PRH1: variants seen among roughly 807,000 people sequenced by gnomAD.
PRH1 encodes the protein proline rich protein HaeIII subfamily 1, also known as salivary acidic proline-rich phosphoprotein 1/2.
In PRH1, 7 loss-of-function variants were observed where a neutral mutation model predicts 7.9. That is an observed-to-expected ratio of 0.89 (90% confidence interval 0.50 to 1.67). The LOEUF (loss-of-function observed/expected upper bound fraction) is 1.67, where lower values mean the gene tolerates loss of function less well. Among genes scored for constraint, PRH1 ranks in the 40% most tolerant of loss-of-function variants. The probability of loss-of-function intolerance (pLI) is 0.00; values close to 1 mark genes in which losing one functional copy is unlikely to be tolerated. For missense variants in PRH1, 109 were observed against 223.6 expected (o/e 0.49, Z 3.27); for synonymous variants, 45 against 80.8 (o/e 0.56, Z 2.38).
intron 1 of PRH1, among the ~76,000 whole-genome samples, chr12:11,102,327 G>A (rs371292830): frequency 6.6e-6 from 1 of 152,104 alleles, no homozygotes; most frequent in Non-Finnish European, 1.5e-5. Context: ...ACAGCATGGT[G>A]CTGGTACCAA....
chr12:11,158,107 T>C (rs1212306391), intron 1 of PRH1, among the ~76,000 whole-genome samples: 7 of 152,190 alleles, frequency 4.6e-5, no homozygotes, highest in Admixed American at 4.6e-4. Flanking sequence ...AAAATTATGG[T>C]AAAAGTTACC....
chr12:10,931,330 A>G (rs1342292223), intron 2 of PRH1, among the ~76,000 whole-genome samples: 2 of 152,212 alleles, frequency 1.3e-5, no homozygotes, highest in Non-Finnish European at 2.9e-5. Context: ...GAATGAGGAC[A>G]TAGAATCATG....
intron 1 of PRH1, chr12:11,165,975 C>A (rs1551193): frequency 0.29 from 44,070 of 152,180 alleles, 8,269 homozygotes; most frequent in East Asian, 0.74. Flanking sequence ...GCTCTTTGTT[C>A]TTCTCTAGCA....
intron 1 of PRH1, among the ~76,000 whole-genome samples, chr12:11,099,125 A>C (rs1945151386): frequency 6.6e-6 from 1 of 152,200 alleles, no homozygotes; most frequent in South Asian, 2.1e-4. Flanking sequence ...GTATCCTCCT[A>C]TCACAGGAAG....
chr12:11,126,551 C>T (rs1030228398), intron 1 of PRH1, among the ~76,000 whole-genome samples: 1 of 152,174 alleles, frequency 6.6e-6, no homozygotes, highest in African/African-American at 2.4e-5. Context: ...GACTTGTCAA[C>T]TTTAGCAATT....
At chr12:10,985,842 A>G in intron 1 of PRH1, 1 of 1,140,920 alleles carries the variant, frequency 8.8e-7, no homozygotes, top group Non-Finnish European at 1.2e-6. Context: ...AACATACACT[A>G]CAGAAAAAAC....
intron 2 of PRH1, among the ~76,000 whole-genome samples, chr12:10,914,771 G>T (rs1305197754): frequency 6.6e-6 from 1 of 152,158 alleles, no homozygotes; most frequent in Admixed American, 6.5e-5. Flanking sequence ...TTGAGATTTT[G>T]CAGAGCTGGA....
intron 2 of PRH1, among the ~76,000 whole-genome samples, chr12:10,898,485 T>C (rs1296370584): frequency 6.6e-6 from 1 of 152,228 alleles, no homozygotes; most frequent in Non-Finnish European, 1.5e-5. Context: ...TTATTTTATT[T>C]GTCTTATTGA....
At chr12:10,926,043 TATG>T (rs1272543966) in intron 2 of PRH1, among the ~76,000 whole-genome samples, 1 of 152,164 alleles carries the variant, frequency 6.6e-6, no homozygotes, top group Non-Finnish European at 1.5e-5. Context: ...AGAATAGAAA[TATG>T]ATAATTAATT....
intron 1 of PRH1, among the ~76,000 whole-genome samples, chr12:10,992,398 T>C (rs1358035556): frequency 7.5e-6 from 1 of 132,896 alleles, no homozygotes; most frequent in Non-Finnish European, 1.7e-5. Context: ...TTGTTTTCGG[T>C]TGTTCGTTTT....
chr12:11,059,894 A>C (rs75290626), intron 1 of PRH1, among the ~76,000 whole-genome samples: 1 of 146,818 alleles, frequency 6.8e-6, no homozygotes, highest in East Asian at 2.0e-4. Context: ...ATCATTTTTG[A>C]CCATCTATTC....
At chr12:10,973,156 T>C (rs1211319002) in intron 2 of PRH1, 1 of 152,096 alleles carries the variant, frequency 6.6e-6, no homozygotes, top group Admixed American at 6.6e-5. Context: ...AAATATTAAT[T>C]ATTTAATTAA....
At chr12:11,096,605 T>C (rs1415808707) in intron 1 of PRH1, among the ~76,000 whole-genome samples, 1 of 114,976 alleles carries the variant, frequency 8.7e-6, no homozygotes, top group East Asian at 2.1e-4. Context: ...AAACTGGAAA[T>C]TGATTTCATG....
At chr12:11,133,272 A>G in intron 1 of PRH1, 2 of 1,589,046 alleles carry the variant, frequency 1.3e-6, no homozygotes, top group South Asian at 1.2e-5. Flanking sequence ...ATACACCACC[A>G]GTTTGTTTTC....
intron 2 of PRH1, among the ~76,000 whole-genome samples, chr12:10,899,422 G>C (rs899618285): frequency 6.6e-6 from 1 of 152,172 alleles, no homozygotes; most frequent in East Asian, 1.9e-4. Flanking sequence ...TGAGCTTAGT[G>C]AGAAGTGTTT....
At chr12:11,074,868 T>C (rs71453425) in intron 1 of PRH1, among the ~76,000 whole-genome samples, 46,205 of 116,008 alleles carry the variant, frequency 0.4, 10,789 homozygotes, top group Non-Finnish European at 0.49. Context: ...TTTGCTGTGG[T>C]TTCCCCTTGT....
intron 1 of PRH1, among the ~76,000 whole-genome samples, chr12:11,070,911 A>T (rs962688064): frequency 1.3e-5 from 2 of 152,092 alleles, no homozygotes; most frequent in Non-Finnish European, 2.9e-5. Flanking sequence ...ATCATTACTC[A>T]CTACAGCCTT....
chr12:11,077,452 C>A (rs79698138), intron 1 of PRH1: 1 of 714,414 alleles, frequency 1.4e-6, no homozygotes, highest in South Asian at 2.1e-5. Context: ...AAGAGTTTGG[C>A]AAAGCAGGAA....
chr12:10,931,103 A>G, intron 2 of PRH1: 1 of 1,571,914 alleles, frequency 6.4e-7, no homozygotes, highest in Non-Finnish European at 8.6e-7. Flanking sequence ...TTTATTATCC[A>G]TCAAAGGCTC....
Sources: allele counts gnomAD v4.1 joint callset (sites outside exome capture counted in the v4.1 genomes callset), GRCh38; gene constraint gnomAD v4.1.1; transcripts MANE v1.5; gene names NCBI Gene and HGNC (gene_info 2026-07-23, HGNC 2026-07-21).